KCNQ1: variants seen among roughly 807,000 people sequenced by gnomAD.
KCNQ1 encodes the protein potassium voltage-gated channel subfamily KQT member 1.
Under a neutral mutation model 72.4 loss-of-function variants are expected in KCNQ1, and 49 were observed. The observed-to-expected ratio is 0.68, with a 90% CI of 0.54 to 0.86. The LOEUF is 0.86. Among genes scored for constraint, KCNQ1 ranks in the 40% least tolerant of loss-of-function variants. The probability of loss-of-function intolerance (pLI) is 0.00; values close to 1 mark genes in which losing one functional copy is unlikely to be tolerated. For missense variants in KCNQ1, 790 were observed against 945.1 expected, an observed-to-expected ratio of 0.84 and a Z score of 2.15; for synonymous variants, 450 against 412.6, an observed-to-expected ratio of 1.09 and a Z score of -1.10.
chr11:2,660,458 T>G (rs2133854016), intron 10 of KCNQ1: 1 of 398,608 alleles, frequency 2.5e-6, no homozygotes, highest in East Asian at 3.6e-5. Context: ...GCAACATAAT[T>G]CAGGTGAAAA....
In KCNQ1 at chr11:2,572,031, G is replaced by A; in HGVS notation, c.702G>A (p.Gln234=). The A allele has an allele frequency of 1.9e-6, 3 of 1,612,928 alleles. No homozygotes were observed. Among genetic ancestry groups the A allele is most frequent in the Non-Finnish European group, 2.5e-6 (3 of 1,179,872 alleles). ...TTCGCAGGGGCATCCGCTTCCTGCA[G>A]ATCCTGAGGATGCTACACGTCGACC... ...TSAIRGIRFL[Q]ILRMLHVDRQ... Residue 234 remains glutamine, a synonymous_variant, in exon 5 of 16, where the codon CAG becomes CAA. Transcript: ENST00000155840.
intron 11 of KCNQ1, among the ~76,000 whole-genome samples, chr11:2,727,943 G>T (rs912734024): frequency 6.6e-6 from 1 of 152,108 alleles, no homozygotes; most frequent in African/African-American, 2.4e-5. Flanking sequence ...TAGTCAAAGC[G>T]CTTCATTTCC....
Position 2,498,595 on chromosome 11 carries a change from A to G in KCNQ1, c.387-29333A>G, listed in dbSNP as rs576939481. Among the ~76,000 whole-genome samples, 2 of 152,322 alleles carry G rather than the reference A, an allele frequency of 1.3e-5. No homozygotes were observed. The highest frequency in any genetic ancestry group is 3.9e-4 in the East Asian group (2 of 5,176). ...TGCTGTGCTGGCAGTGAGAATTTGA[A>G]GCCAGTGGTTCTTAGCTTGCTGGGC... On this transcript the variant is annotated intron_variant, in intron 1 of 15. Coordinates refer to ENST00000155840, the MANE Select transcript of KCNQ1 (RefSeq NM_000218.3). The surrounding 1 kb of genome is among the most constrained non-coding windows in gnomAD (Gnocchi z 4.8).
intron 10 of KCNQ1, chr11:2,649,384 A>G (rs1056535727): frequency 5.0e-6 from 2 of 397,456 alleles, no homozygotes; most frequent in Admixed American, 4.4e-5. Context: ...CTAGTGTTTT[A>G]TGCTTTTGTA....
chr11:2,658,286 T>C lies in KCNQ1; in HGVS notation c.1394-3675T>C. ...TTTTCCTCATTCCTTCTACATTTTT[T>C]ATTTGGAATTCCTTTATAAGGAAGA... On this transcript the variant is annotated intron_variant, in intron 10 of 15. Coordinates refer to ENST00000155840, the MANE Select transcript of KCNQ1 (RefSeq NM_000218.3). This position sits in a 1 kb window ranked among gnomAD's most constrained non-coding sequence, Gnocchi z 4.9. 2.5e-6 allele frequency: 1 copy of C among 398,610 alleles called. No homozygotes were observed. The highest frequency in any genetic ancestry group is 4.4e-6 in the Non-Finnish European group (1 of 226,060). 24.7% of individuals were successfully genotyped at this position (398,610 alleles called of 1,614,324 possible). A position where few individuals can be genotyped will look rare whatever the true frequency, so the allele number is the denominator to read the frequency against.
chr11:2,520,533 G>C (rs1279533727), intron 1 of KCNQ1, among the ~76,000 whole-genome samples: 1 of 152,152 alleles, frequency 6.6e-6, no homozygotes, highest in Non-Finnish European at 1.5e-5. Context: ...TGGTGAGGGG[G>C]GTGACCAGCT....
intron 11 of KCNQ1, among the ~76,000 whole-genome samples, chr11:2,714,227 C>T (rs888606620): frequency 3.3e-5 from 5 of 152,242 alleles, no homozygotes; most frequent in Non-Finnish European, 5.9e-5. Context: ...CAGCATTCCG[C>T]ATCTCATGGG....
chr11:2,710,836 T>G lies in KCNQ1; in HGVS notation c.1514+48755T>G, dbSNP rs79693286. Among the ~76,000 whole-genome samples the G allele has an allele frequency of 0.018, 2,752 of 152,382 alleles. 41 individuals are homozygous for G. The highest frequency in any genetic ancestry group is 0.029 in the Non-Finnish European group (1,943 of 68,032). On this transcript the variant is annotated intron_variant, in intron 11 of 15. Transcript: ENST00000155840. This position sits in a 1 kb window ranked among gnomAD's most constrained non-coding sequence, Gnocchi z 4.1. ...TCTCAATTTTATTCTATTGATTTGT[T>G]TGTCTATCCTTATGCCAGTACTATA...
At chr11:2,667,538 T>C (rs1349779007) in intron 11 of KCNQ1, 22 of 389,168 alleles carry the variant, frequency 5.7e-5, no homozygotes, top group Middle Eastern at 6.3e-4. Flanking sequence ...ACAACTGCAC[T>C]GATATTGTCA....
chr11:2,527,482 T>C (rs1847529234), intron 1 of KCNQ1, among the ~76,000 whole-genome samples: 2 of 152,198 alleles, frequency 1.3e-5, no homozygotes, highest in African/African-American at 2.4e-5. Flanking sequence ...GGCTCTAGAA[T>C]GTTCAGAGTT....
At chr11:2,650,491 G>C (rs900190648) in intron 10 of KCNQ1, 1 of 398,602 alleles carries the variant, frequency 2.5e-6, no homozygotes. Context: ...CAGAAGTGTG[G>C]TGTCTCTACA....
Position 2,695,875 on chromosome 11 carries a change from C to G in KCNQ1, c.1514+33794C>G, listed in dbSNP as rs767516236. The G allele has an allele frequency of 5.0e-6, 2 of 398,606 alleles. No individual in the cohort carries two copies. The highest frequency in any genetic ancestry group is 8.8e-6 in the Non-Finnish European group (2 of 226,062). The allele number at this position is 398,606 out of a possible 1,614,324, so 24.7% of individuals were successfully genotyped here. On this transcript the variant is annotated intron_variant, in intron 11 of 15. Coordinates refer to ENST00000155840, the MANE Select transcript of KCNQ1 (RefSeq NM_000218.3). This position sits in a 1 kb window ranked among gnomAD's most constrained non-coding sequence, Gnocchi z 5.2. ...AATTTTCATCTGTTTGTTAACCCTC[C>G]TGCAAACTGGCAATCTTCCTACCTT... is the stretch of plus-strand genomic sequence containing the variant.
At position 2,478,151 on chromosome 11, in the gene KCNQ1, C is replaced by A. The variant is rs75733517; in HGVS notation, c.386+32667C>A. Among the ~76,000 whole-genome samples the A allele has an allele frequency of 6.6e-6, 1 of 152,052 alleles. No individual in the cohort carries two copies. Among genetic ancestry groups the A allele is most frequent in the African/African-American group, 2.4e-5 (1 of 41,382 alleles). On this transcript the variant is annotated intron_variant, in intron 1 of 15. Coordinates refer to ENST00000155840, the MANE Select transcript of KCNQ1 (RefSeq NM_000218.3). This position sits in a 1 kb window ranked among gnomAD's most constrained non-coding sequence, Gnocchi z 4.0. ...TGCCAAAGACACAGCTGTCCAGGGT[C>A]GAATCATCCGGAGACACAGGGCAAA...
chr11:2,848,134 A>AC lies in KCNQ1; in HGVS notation c.*135dup, dbSNP rs1470807439. ...GAGCCCCACTCTCAGAGGCCCCAAT[A>AC]CCCCATGGACCATGCTGTCTGGCAC... On this transcript the variant is annotated 3_prime_UTR_variant, in exon 16 of 16. Coordinates refer to ENST00000155840, the MANE Select transcript of KCNQ1 (RefSeq NM_000218.3). 16 of 790,438 alleles carry AC rather than the reference A, an allele frequency of 2.0e-5. No individual in the cohort carries two copies. The Admixed American group carries it at 2.8e-4, about 14-fold the overall frequency. 49.0% of individuals were successfully genotyped at this position (790,438 alleles called of 1,614,324 possible). A position where few individuals can be genotyped will look rare whatever the true frequency, so the allele number is the denominator to read the frequency against.
At position 2,566,797 on chromosome 11, in the gene KCNQ1, G is replaced by A. The variant is rs1163855426; in HGVS notation, c.478-3831G>A. Among the ~76,000 whole-genome samples the A allele has an allele frequency of 1.3e-5, 2 of 152,170 alleles. No homozygotes were observed. Among genetic ancestry groups the A allele is most frequent in the Non-Finnish European group, 2.9e-5 (2 of 68,022 alleles). On this transcript the variant is annotated intron_variant, in intron 2 of 15. Coordinates refer to ENST00000155840, the MANE Select transcript of KCNQ1 (RefSeq NM_000218.3). This position sits in a 1 kb window ranked among gnomAD's most constrained non-coding sequence, Gnocchi z 6.7. ...AGGCACCACATAGATCTTGTGAGAG[G>A]CGCTTTGTGGGGCTGGATGATCCTG...
chr11:2,832,372 G>C (rs1416754092), intron 15 of KCNQ1, among the ~76,000 whole-genome samples: 1 of 152,206 alleles, frequency 6.6e-6, no homozygotes, highest in African/African-American at 2.4e-5. Context: ...GACTAGGACA[G>C]GGTGCCTGTG....
At chr11:2,584,438 C>T (rs144445729) in intron 7 of KCNQ1, among the ~76,000 whole-genome samples, 63 of 143,172 alleles carry the variant, frequency 4.4e-4, no homozygotes, top group African/African-American at 1.3e-3. Flanking sequence ...TGTTAGTGTG[C>T]GTTAGTTTGT....
intron 10 of KCNQ1, chr11:2,644,581 A>C: frequency 2.5e-6 from 1 of 398,458 alleles, no homozygotes; most frequent in Non-Finnish European, 4.4e-6. Context: ...CTGTTGGAGA[A>C]TTATTGCATT....
rs116132632 is a variant in KCNQ1, at chr11:2,458,740, G to A, written c.386+13256G>A. On this transcript the variant is annotated intron_variant, in intron 1 of 15. Transcript: ENST00000155840. The surrounding 1 kb of genome is among the most constrained non-coding windows in gnomAD (Gnocchi z 4.6). ...AAGTACAAGTTTACTGGAAATACTC[G>A]GGCCAGAGGAACGCGCTAAATGATA... is the stretch of plus-strand genomic sequence containing the variant. Among the ~76,000 whole-genome samples the A allele has an allele frequency of 3.7e-3, 570 of 152,218 alleles. 4 individuals are homozygous for A. Among genetic ancestry groups the A allele is most frequent in the African/African-American group, 0.013 (539 of 41,526 alleles).
Sources: gnomAD v4.1 joint callset for allele counts (sites outside exome capture counted in the v4.1 genomes callset) on GRCh38, gnomAD v4.1.1 for gene constraint, Gnocchi (gnomAD v3.1) non-coding constraint, MANE v1.5 for transcripts, NCBI Gene and HGNC (gene_info 2026-07-23, HGNC 2026-07-21) for gene names.